The following TRAIP variants were observed in gnomAD, a reference collection of about 807,000 sequenced individuals.
The protein encoded by TRAIP is TRAF interacting protein, also known as E3 ubiquitin-protein ligase TRAIP.
In TRAIP, 37 loss-of-function variants were observed where a neutral mutation model predicts 65.0. The ratio of observed to expected loss-of-function variants is 0.57; its 90% confidence interval spans 0.44 to 0.75. TRAIP has a LOEUF of 0.75. Among genes scored for constraint, TRAIP ranks in the 30% least tolerant of loss-of-function variants. TRAIP has a pLI of 0.00. For synonymous variants in TRAIP, 187 were observed against 219.1 expected, an observed-to-expected ratio of 0.85 and a Z score of 1.29; for missense variants, 481 against 579.4, an observed-to-expected ratio of 0.83 and a Z score of 1.74.
In TRAIP at chr3:49,828,931, T is replaced by G. The variant is rs1173829386; in HGVS notation, c.*172A>C. The stretch of plus-strand genomic sequence containing the variant: ...TCCCAGTCGTAGGAGTGGGGCAGGG[T>G]GAGGGCAGGAAGAGCAGTCTCTGGG... On this transcript the variant is annotated 3_prime_UTR_variant, in exon 15 of 15. Transcript: ENST00000331456. 2.4e-6 allele frequency: 2 copies of G among 838,536 alleles called. No homozygotes were observed. Among genetic ancestry groups the G allele is most frequent in the South Asian group, 1.5e-5 (1 of 64,876 alleles). 51.9% of individuals were successfully genotyped at this position (838,536 alleles called of 1,614,324 possible).
intron 5 of TRAIP, chr3:49,843,592 A>G: frequency 5.1e-6 from 3 of 591,380 alleles, no homozygotes; most frequent in East Asian, 2.8e-5. Flanking sequence ...TACAAAACCC[A>G]CAAGTATAGC....
chr3:49,832,700 CGGGGGGGGGGGGGGGGT>C (rs2081745618), intron 10 of TRAIP, among the ~76,000 whole-genome samples: 1 of 6,094 alleles, frequency 1.6e-4, no homozygotes, highest in Non-Finnish European at 2.9e-4. Context: ...TTTTATAACA[CGGGGGGGGGGGGGGGGT>C]GGGGGGTGGG....
chr3:49,840,526 G>A, intron 8 of TRAIP, 153 bp from the exon 9 acceptor site: 1 of 634,254 alleles, frequency 1.6e-6, no homozygotes, highest in East Asian at 2.8e-5. Flanking sequence ...CCTCAGTCTG[G>A]CAATGCACAT....
chr3:49,848,248 G>C, intron 1 of TRAIP, 48 bp from the exon 2 acceptor site: 3 of 1,602,186 alleles, frequency 1.9e-6, no homozygotes, highest in Admixed American at 3.4e-5. Context: ...GGTTTGTCTG[G>C]GGACATAAGC....
chr3:49,828,887 G>A lies in TRAIP; in HGVS notation c.*216C>T. On this transcript the variant is annotated 3_prime_UTR_variant, in exon 15 of 15. Coordinates refer to ENST00000331456, the MANE Select transcript of TRAIP (RefSeq NM_005879.3). ...GGAGCAGGACCTGCTGACAGGATCA[G>A]TGGGCTGGTCATGTCAGCTCCCAGT... 3.4e-6 allele frequency: 2 copies of A among 587,674 alleles called. No homozygotes were observed. Among genetic ancestry groups the A allele is most frequent in the East Asian group, 3.0e-5 (1 of 33,010 alleles). 36.4% of individuals were successfully genotyped at this position (587,674 alleles called of 1,614,324 possible).
intron 1 of TRAIP, among the ~76,000 whole-genome samples, chr3:49,855,847 C>G (rs927141018): frequency 6.6e-6 from 1 of 152,196 alleles, no homozygotes; most frequent in African/African-American, 2.4e-5. Context: ...CAGCAGGACC[C>G]CTGGATAGGG....
intron 3 of TRAIP, among the ~76,000 whole-genome samples, chr3:49,846,916 C>G (rs1189206648): frequency 1.3e-5 from 2 of 152,160 alleles, no homozygotes; most frequent in Middle Eastern, 3.4e-3. Context: ...CACGGTGGCC[C>G]ACGCCTGCAA....
At chr3:49,833,846 G>A (rs966893051) in intron 10 of TRAIP, among the ~76,000 whole-genome samples, 1 of 152,078 alleles carries the variant, frequency 6.6e-6, no homozygotes, top group East Asian at 1.9e-4. Context: ...TTCTGCCAGG[G>A]GTCCACTTTC....
intron 5 of TRAIP, 21 bp downstream of exon 5, chr3:49,843,780 C>T: frequency 3.7e-6 from 6 of 1,606,636 alleles, no homozygotes; most frequent in Non-Finnish European, 5.1e-6. Flanking sequence ...AATTCTGTAC[C>T]CATAAAACCT....
At chr3:49,836,829 T>G (rs565326372) in intron 10 of TRAIP, among the ~76,000 whole-genome samples, 1 of 152,272 alleles carries the variant, frequency 6.6e-6, no homozygotes, top group East Asian at 1.9e-4. Flanking sequence ...CCCTGGATAC[T>G]GGAAATGTTC....
chr3:49,842,631 ACT>A (rs2081849193), intron 5 of TRAIP, 84 bp from the exon 6 acceptor site: 1 of 1,268,894 alleles, frequency 7.9e-7, no homozygotes, highest in African/African-American at 1.5e-5. Flanking sequence ...CTGCTCCAGA[ACT>A]CTCTGCAGCT....
rs572474038 is a variant in TRAIP, at chr3:49,854,154, C to G, written c.98+2202G>C. ...CCAGCCTGGGCAGCATGGCGAAATCCTGTCTCTACAAAAAACAAAAATTAG... is the reference window on the plus strand; with the variant it reads ...CCAGCCTGGGCAGCATGGCGAAATCGTGTCTCTACAAAAAACAAAAATTAG... On this transcript the variant is annotated intron_variant, in intron 1 of 14. Transcript: ENST00000331456. Among the ~76,000 whole-genome samples the G allele has an allele frequency of 7.1e-4, 108 of 152,240 alleles. 2 individuals carry two copies. Among genetic ancestry groups the G allele is most frequent in the African/African-American group, 2.5e-3 (105 of 41,536 alleles).
chr3:49,840,516 C>T (rs2081829824), intron 8 of TRAIP, 143 bp from the exon 9 acceptor site: 2 of 677,646 alleles, frequency 3.0e-6, no homozygotes, highest in African/African-American at 1.8e-5. Context: ...TGAGGCTAGG[C>T]CTCAGTCTGG....
chr3:49,851,185 G>A (rs1285137468), intron 1 of TRAIP, among the ~76,000 whole-genome samples: 1 of 151,900 alleles, frequency 6.6e-6, no homozygotes, highest in Non-Finnish European at 1.5e-5. Context: ...TGTTGCTCAG[G>A]CTGTTCTAGA....
intron 1 of TRAIP, among the ~76,000 whole-genome samples, chr3:49,853,032 G>A (rs1426676256): frequency 6.6e-6 from 1 of 151,476 alleles, no homozygotes; most frequent in Non-Finnish European, 1.5e-5. Flanking sequence ...TGAGGCAGGA[G>A]AATTGCTTGA....
At chr3:49,847,219 A>G (rs1233806009) in intron 3 of TRAIP, among the ~76,000 whole-genome samples, 3 of 150,506 alleles carry the variant, frequency 2.0e-5, no homozygotes, top group Non-Finnish European at 4.4e-5. Context: ...AAATAAATAA[A>G]TAAAATAAAA....
intron 4 of TRAIP, 33 bp from the exon 5 acceptor site, chr3:49,843,961 A>G (rs746297143): frequency 6.3e-7 from 1 of 1,585,504 alleles, no homozygotes; most frequent in Non-Finnish European, 8.6e-7. Context: ...AGGAAAGGGA[A>G]AGGCCTGTCC....
chr3:49,840,083 A>G (rs2081825716), intron 9 of TRAIP, among the ~76,000 whole-genome samples: 1 of 152,206 alleles, frequency 6.6e-6, no homozygotes, highest in Admixed American at 6.5e-5. Context: ...GGGAAGACTC[A>G]TGGTTCTGTC....
intron 11 of TRAIP, among the ~76,000 whole-genome samples, chr3:49,830,915 T>C (rs915871796): frequency 6.6e-6 from 1 of 151,272 alleles, no homozygotes; most frequent in Non-Finnish European, 1.5e-5. Flanking sequence ...AGAACTTCAC[T>C]ACCTCCTTCA....
Sources: gnomAD v4.1 joint callset for allele counts (sites outside exome capture counted in the v4.1 genomes callset) on GRCh38, gnomAD v4.1.1 for gene constraint, MANE v1.5 for transcripts, NCBI Gene and HGNC (gene_info 2026-07-23, HGNC 2026-07-21) for gene names.